ROBO1: variants seen among roughly 807,000 people sequenced by gnomAD.
ROBO1 encodes roundabout guidance receptor 1.
In ROBO1, 149 loss-of-function variants were observed where a neutral mutation model predicts 195.9. The ratio of observed to expected loss-of-function variants is 0.76; its 90% CI spans 0.67 to 0.87. The LOEUF (loss-of-function observed/expected upper bound fraction) is 0.87, where lower values mean the gene tolerates loss of function less well. Ranked by LOEUF, ROBO1 falls within the 40% of genes least tolerant of loss-of-function variation. The pLI is 0.00. For missense variants in ROBO1, 1,933 were observed against 2,068.3 expected, an observed-to-expected ratio of 0.93 and a Z score of 1.27; for synonymous variants, 816 against 733.2, an observed-to-expected ratio of 1.11 and a Z score of -1.82.
chr3:79,253,743 AAAGAGAG>A (rs1235755269), intron 2 of ROBO1, among the ~76,000 whole-genome samples: 1 of 152,246 alleles, frequency 6.6e-6, no homozygotes, highest in African/African-American at 2.4e-5. Context: ...AGAAGGAGGA[AAAGAGAG>A]AGAGTAGCGT....
At chr3:78,920,588 A>G (rs1426345274) in intron 4 of ROBO1, among the ~76,000 whole-genome samples, 1 of 145,022 alleles carries the variant, frequency 6.9e-6, no homozygotes, top group Non-Finnish European at 1.5e-5. Context: ...TACAGGCATG[A>G]GCCACCGTAC....
intron 2 of ROBO1, among the ~76,000 whole-genome samples, chr3:79,176,481 G>A (rs1042624269): frequency 1.3e-5 from 2 of 151,950 alleles, no homozygotes; most frequent in Non-Finnish European, 2.9e-5. Context: ...TATTTGAGAT[G>A]GAATCTCTCT....
chr3:79,594,816 G>A lies in ROBO1; in HGVS notation c.-50-4855C>T, dbSNP rs554817506. ...TATCACCAACTTCAAATAGCATCCG[G>A]TGAAATTCCTCCAGGGTAATGACGG... is the stretch of plus-strand genomic sequence containing the variant. On this transcript the variant is annotated intron_variant, in intron 1 of 30. Transcript: ENST00000464233. Among the ~76,000 whole-genome samples, 11 of 152,050 alleles carry A rather than the reference G, an allele frequency of 7.2e-5. No homozygotes were observed. In the East Asian group the frequency reaches 2.1e-3, roughly 30 times the overall value.
intron 3 of ROBO1, among the ~76,000 whole-genome samples, chr3:79,069,130 C>G (rs2079047967): frequency 6.6e-6 from 1 of 151,704 alleles, no homozygotes; most frequent in Non-Finnish European, 1.5e-5. Flanking sequence ...AACTAATATT[C>G]CAAATTCAAC....
intron 2 of ROBO1, among the ~76,000 whole-genome samples, chr3:79,248,240 A>G (rs2082659006): frequency 6.6e-6 from 1 of 152,038 alleles, no homozygotes; most frequent in Admixed American, 6.6e-5. Flanking sequence ...TACGATGGCT[A>G]GTAAATTTAT....
In ROBO1 at chr3:79,422,186, T is replaced by C. The variant is rs967364992; in HGVS notation, c.88+167638A>G. ...TACATATCTTATGTATTATATATTATATTATATATTTTGTATCATATTATA... is the reference window on the plus strand; with the variant it reads ...TACATATCTTATGTATTATATATTACATTATATATTTTGTATCATATTATA... On this transcript the variant is annotated intron_variant, in intron 2 of 30. Transcript: ENST00000464233. 3.0e-4 allele frequency among the ~76,000 whole-genome samples: 45 copies of C among 148,490 alleles called. 1 individual carries two copies. Among genetic ancestry groups the C allele is most frequent in the African/African-American group, 1.1e-3 (43 of 40,904 alleles).
intron 2 of ROBO1, among the ~76,000 whole-genome samples, chr3:79,535,200 G>A (rs1460310217): frequency 3.9e-5 from 6 of 152,044 alleles, no homozygotes; most frequent in Admixed American, 1.3e-4. Context: ...GGATACAGCG[G>A]GAATCTAATT....
chr3:78,787,926 C>CTCTT (rs2083887881), intron 4 of ROBO1, among the ~76,000 whole-genome samples: 1 of 71,672 alleles, frequency 1.4e-5, no homozygotes, highest in African/African-American at 6.1e-5. Context: ...GACCCCTTCT[C>CTCTT]TTTTTTTTTT....
chr3:79,348,361 T>A (rs965036384), intron 2 of ROBO1, among the ~76,000 whole-genome samples: 1 of 152,142 alleles, frequency 6.6e-6, no homozygotes, highest in Non-Finnish European at 1.5e-5. Context: ...ATGGCCAAAG[T>A]TGATGGCCAA....
At chr3:79,270,353 TAAC>T (rs1002964421) in intron 2 of ROBO1, among the ~76,000 whole-genome samples, 2 of 151,824 alleles carry the variant, frequency 1.3e-5, no homozygotes, top group Non-Finnish European at 2.9e-5. Context: ...TTAATACTAA[TAAC>T]AATGTTATTT....
At chr3:79,212,035 C>T (rs1043808555) in intron 2 of ROBO1, among the ~76,000 whole-genome samples, 1 of 152,210 alleles carries the variant, frequency 6.6e-6, no homozygotes, top group Non-Finnish European at 1.5e-5. Flanking sequence ...AAGGGATGGG[C>T]TCTGGCTAGT....
chr3:78,665,837 T>C (rs1035288001), intron 14 of ROBO1, among the ~76,000 whole-genome samples: 80 of 152,274 alleles, frequency 5.3e-4, no homozygotes, highest in Non-Finnish European at 1.5e-4. Context: ...AAAAAAGTCT[T>C]TGATTTCACA....
chr3:79,240,143 G>A (rs765154011), intron 2 of ROBO1, among the ~76,000 whole-genome samples: 4 of 152,034 alleles, frequency 2.6e-5, no homozygotes, highest in Non-Finnish European at 5.9e-5. Flanking sequence ...CTACAGTTAT[G>A]AATATATAAT....
chr3:79,119,518 A>T (rs2080077007), intron 3 of ROBO1, among the ~76,000 whole-genome samples: 2 of 152,210 alleles, frequency 1.3e-5, no homozygotes, highest in African/African-American at 4.8e-5. Context: ...CACCCAAAAC[A>T]AATCACAAAT....
chr3:78,774,799 T>C (rs2083464688), intron 4 of ROBO1, among the ~76,000 whole-genome samples: 2 of 152,188 alleles, frequency 1.3e-5, no homozygotes, highest in African/African-American at 4.8e-5. Context: ...CTCTATTTAC[T>C]ATGTAAATAA....
intron 1 of ROBO1, among the ~76,000 whole-genome samples, chr3:79,671,398 T>G (rs1167196669): frequency 1.3e-5 from 2 of 151,764 alleles, no homozygotes; most frequent in African/African-American, 4.8e-5. Flanking sequence ...TCTAATAAAT[T>G]TTACCAGGGA....
intron 4 of ROBO1, among the ~76,000 whole-genome samples, chr3:78,823,732 G>A (rs998885122): frequency 1.3e-5 from 2 of 152,020 alleles, no homozygotes; most frequent in African/African-American, 2.4e-5. Context: ...CTTTTCACTT[G>A]CCTAATCCAT....
In ROBO1 at chr3:79,589,927, G is replaced by T; in HGVS notation, c.-16C>A. The T allele has an allele frequency of 6.3e-7, 1 of 1,581,732 alleles. No individual in the cohort carries two copies. The highest frequency in any genetic ancestry group is 8.7e-7 in the Non-Finnish European group (1 of 1,151,870). On this transcript the variant is annotated 5_prime_UTR_variant, in exon 2 of 31. Transcript: ENST00000464233. ...TCCATTTCATCTTTGTCCCTTCCTTGCATTACAACCAGCCAGTGACAGACA... is the reference window on the plus strand; with the variant it reads ...TCCATTTCATCTTTGTCCCTTCCTTTCATTACAACCAGCCAGTGACAGACA...
At chr3:79,081,079 C>T (rs2079264931) in intron 3 of ROBO1, among the ~76,000 whole-genome samples, 1 of 151,908 alleles carries the variant, frequency 6.6e-6, no homozygotes, top group Admixed American at 6.6e-5. Flanking sequence ...TATAGTGTGC[C>T]CAAACGCTTT....
Sources: gnomAD v4.1 joint callset for allele counts (sites outside exome capture counted in the v4.1 genomes callset) on GRCh38, gnomAD v4.1.1 for gene constraint, MANE v1.5 for transcripts, NCBI Gene and HGNC (gene_info 2026-07-23, HGNC 2026-07-21) for gene names.